ITIH5: variants seen among roughly 807,000 people sequenced by gnomAD.
The protein encoded by ITIH5 is inter-alpha-trypsin inhibitor heavy chain 5.
In ITIH5, 65 loss-of-function variants were observed where a neutral mutation model predicts 77.5. The observed-to-expected ratio is 0.84, with a 90% confidence interval of 0.69 to 1.03. The LOEUF (loss-of-function observed/expected upper bound fraction) is 1.03. Among genes scored for constraint, ITIH5 ranks in the 50% least tolerant of loss-of-function variants. ITIH5 has a pLI of 0.00. For synonymous variants in ITIH5, 525 were observed against 494.3 expected (o/e 1.06, Z -0.82); for missense variants, 1,208 against 1,213.1 (o/e 1.00, Z 0.06).
intron 7 of ITIH5, among the ~76,000 whole-genome samples, chr10:7,587,225 T>G (rs753238309): frequency 6.6e-6 from 1 of 152,128 alleles, no homozygotes; most frequent in African/African-American, 2.4e-5. Context: ...AGGTATACAC[T>G]AAAATCAGCT....
chr10:7,637,236 C>T lies in ITIH5; in HGVS notation c.644G>A (p.Arg215His), dbSNP rs1341255668. 3 of 1,607,510 alleles carry T rather than the reference C, an allele frequency of 1.9e-6. No individual in the cohort carries two copies. Among genetic ancestry groups the T allele is most frequent in the Admixed American group, 1.7e-5 (1 of 60,002 alleles). ...LHNSRQRGSG[R>H]GEDDSGPPPS... ...CAGCACGCAGGACTCACCTTCCCCG[C>T]GCCCACTGCCCCTCTGCCTGCTGTT... Residue 215 changes from arginine (R) to histidine (H), a missense_variant, in exon 5 of 14, where the codon CGC (arginine) becomes CAC (histidine). By Grantham distance (29) the Arg-to-His change is conservative (BLOSUM62 0). Coordinates refer to ENST00000397146, the MANE Select transcript of ITIH5 (RefSeq NM_030569.7).
At chr10:7,563,451 C>T in intron 13 of ITIH5, 67 bp from the exon 14 acceptor site, 1 of 1,410,614 alleles carries the variant, frequency 7.1e-7, no homozygotes, top group Non-Finnish European at 9.7e-7. Context: ...ACTCCAACTT[C>T]AGAGCTATCA....
intron 7 of ITIH5, among the ~76,000 whole-genome samples, chr10:7,605,000 T>G (rs1833093922): frequency 6.6e-6 from 1 of 152,088 alleles, no homozygotes; most frequent in Non-Finnish European, 1.5e-5. Flanking sequence ...TTTTGTATTT[T>G]TAGTAGAAAC....
intron 5 of ITIH5, chr10:7,619,174 G>A (rs1434882454): frequency 6.6e-6 from 1 of 152,344 alleles, no homozygotes; most frequent in Non-Finnish European, 1.5e-5. Flanking sequence ...GCTGAAAAAG[G>A]AAAAGTCCTT....
intron 5 of ITIH5, among the ~76,000 whole-genome samples, chr10:7,624,827 G>GTATATACATATACACA (rs1402178717): frequency 7.6e-6 from 1 of 130,722 alleles, no homozygotes; most frequent in African/African-American, 3.0e-5. Flanking sequence ...ATATATATGT[G>GTATATACATATACACA]TATATACATG....
chr10:7,604,283 T>C (rs1833078087), intron 7 of ITIH5, among the ~76,000 whole-genome samples: 1 of 152,188 alleles, frequency 6.6e-6, no homozygotes, highest in Non-Finnish European at 1.5e-5. Context: ...TTCCTCTGCC[T>C]ACTCTCCCCT....
In ITIH5 at chr10:7,576,925, C is replaced by T. The variant is rs1233354052; in HGVS notation, c.1506G>A (p.Leu502=). ...PSSVVQATKT[L]FPNYFNGSEI... ...CCGAGCCGTTGAAGTAGTTGGGGAA[C>T]AGGGTCTTGGTGGCCTGCACCACTG... is the stretch of plus-strand genomic sequence containing the variant. Residue 502 remains leucine, a synonymous_variant, in exon 10 of 14, where the codon CTG becomes CTA. Coordinates refer to ENST00000397146, the MANE Select transcript of ITIH5 (RefSeq NM_030569.7). 7 of 1,614,178 alleles carry T rather than the reference C, an allele frequency of 4.3e-6. No individual in the cohort carries two copies. The highest frequency in any genetic ancestry group is 5.9e-6 in the Non-Finnish European group (7 of 1,180,040).
intron 4 of ITIH5, among the ~76,000 whole-genome samples, chr10:7,637,725 T>TA (rs1833825759): frequency 6.6e-6 from 1 of 152,196 alleles, no homozygotes; most frequent in Non-Finnish European, 1.5e-5. Flanking sequence ...AATACTGTCC[T>TA]ACCTCTCCCT....
At chr10:7,597,145 C>T (rs1832920317) in intron 7 of ITIH5, among the ~76,000 whole-genome samples, 1 of 151,516 alleles carries the variant, frequency 6.6e-6, no homozygotes, top group Admixed American at 6.6e-5. Flanking sequence ...TGAAAACAGC[C>T]CTAAGTTTCT....
intron 7 of ITIH5, among the ~76,000 whole-genome samples, chr10:7,589,895 G>C (rs1198217114): frequency 1.3e-5 from 2 of 152,100 alleles, no homozygotes; most frequent in South Asian, 4.2e-4. Flanking sequence ...GAGGGGATTG[G>C]TGCTCCCCTG....
At chr10:7,654,742 C>T (rs1272540473) in intron 2 of ITIH5, among the ~76,000 whole-genome samples, 1 of 152,218 alleles carries the variant, frequency 6.6e-6, no homozygotes, top group Non-Finnish European at 1.5e-5. Context: ...CTGCTAGTAT[C>T]CATGAAATGG....
intron 2 of ITIH5, among the ~76,000 whole-genome samples, chr10:7,653,724 G>A (rs1834137009): frequency 6.6e-6 from 1 of 152,180 alleles, no homozygotes; most frequent in Non-Finnish European, 1.5e-5. Flanking sequence ...TGGTGTATTA[G>A]TTAAGAGCAT....
chr10:7,660,041 C>A lies in ITIH5; in HGVS notation c.91-4366G>T, dbSNP rs925329446. Among the ~76,000 whole-genome samples the A allele has an allele frequency of 9.2e-5, 14 of 152,280 alleles. No homozygotes were observed. In the East Asian group the frequency reaches 2.7e-3, roughly 29 times the overall value. ...CACTGACTTCCTTGAGGCCCCAAAT[C>A]ATGGACTTAAGAGATGGTGCTACCC... On this transcript the variant is annotated intron_variant, in intron 1 of 13. Coordinates refer to ENST00000397146, the MANE Select transcript of ITIH5 (RefSeq NM_030569.7).
At chr10:7,620,650 C>A (rs1016496587) in intron 5 of ITIH5, 4 of 151,536 alleles carry the variant, frequency 2.6e-5, no homozygotes, top group African/African-American at 9.7e-5. Flanking sequence ...AGGCATTCCC[C>A]GGCATGGAAC....
chr10:7,664,841 T>C (rs1054798259), intron 1 of ITIH5, among the ~76,000 whole-genome samples: 4 of 152,238 alleles, frequency 2.6e-5, no homozygotes, highest in African/African-American at 9.6e-5. Flanking sequence ...ATTCCCAGGT[T>C]CTGTTCTAAG....
intron 11 of ITIH5, chr10:7,572,422 A>G (rs1156257721): frequency 7.4e-7 from 1 of 1,360,262 alleles, no homozygotes; most frequent in Non-Finnish European, 9.8e-7. Flanking sequence ...AAACAAAAAC[A>G]AAGCCTGCCT....
intron 5 of ITIH5, chr10:7,620,651 G>T (rs80323548): frequency 6.6e-6 from 1 of 151,178 alleles, no homozygotes; most frequent in African/African-American, 2.4e-5. Flanking sequence ...GGCATTCCCC[G>T]GCATGGAACA....
At position 7,559,490 on chromosome 10, in the gene ITIH5, GTTAT is replaced by G. The variant is rs1430215345; in HGVS notation, c.*3589_*3592del. 6.7e-5 allele frequency: 11 copies of G among 163,858 alleles called. No homozygotes were observed. Among genetic ancestry groups the G allele is most frequent in the South Asian group, 1.8e-4 (1 of 5,674 alleles). The allele number at this position is 163,858 out of a possible 1,614,324, so 10.2% of individuals were successfully genotyped here. On this transcript the variant is annotated 3_prime_UTR_variant, in exon 14 of 14. Transcript: ENST00000397146. ...CATTTATAAGTATTTGCTTAGCTGT[GTTAT>G]TTGTTATTTATTTTAGCTGGATCAT...
intron 5 of ITIH5, among the ~76,000 whole-genome samples, chr10:7,622,782 A>G (rs1310071883): frequency 6.6e-6 from 1 of 152,250 alleles, no homozygotes; most frequent in Non-Finnish European, 1.5e-5. Flanking sequence ...TTAAAATTAT[A>G]CACAGAATTT....
Sources: gnomAD v4.1 joint callset for allele counts (sites outside exome capture counted in the v4.1 genomes callset) on GRCh38, gnomAD v4.1.1 for gene constraint, MANE v1.5 for transcripts, NCBI Gene and HGNC (gene_info 2026-07-23, HGNC 2026-07-21) for gene names.